The following CLU variants were observed in gnomAD, a reference collection of about 807,000 sequenced individuals.
CLU encodes the protein aging-associated protein 4.
In CLU, 25 loss-of-function variants were observed where a neutral mutation model predicts 46.4. The ratio of observed to expected loss-of-function variants is 0.54; its 90% CI spans 0.39 to 0.75. The LOEUF (loss-of-function observed/expected upper bound fraction) is 0.75, where lower values mean the gene tolerates loss of function less well. CLU is among the 30% of genes least tolerant of loss of function. CLU has a pLI of 0.00. For synonymous variants in CLU, 235 were observed against 235.1 expected, an observed-to-expected ratio of 1.00 and a Z score of 0.00; for missense variants, 504 against 592.1, an observed-to-expected ratio of 0.85 and a Z score of 1.54.
chr8:27,605,583 A>G (rs138508623), intron 4 of CLU, among the ~76,000 whole-genome samples: 1 of 152,370 alleles, frequency 6.6e-6, no homozygotes, highest in East Asian at 1.9e-4. Flanking sequence ...ACAAGGCCCA[A>G]CATTTCAGGT....
At position 27,598,193 on chromosome 8, in the gene CLU, G is replaced by T; in HGVS notation, c.*48C>A. The T allele has an allele frequency of 6.2e-7, 1 of 1,605,260 alleles. No homozygotes were observed. Among genetic ancestry groups the T allele is most frequent in the South Asian group, 1.1e-5 (1 of 90,644 alleles). ...TGGGGGGCTGCAGCTCATCTTGGGG[G>T]GAGCTGGACTCAGATGCCCCCGTAG... On this transcript the variant is annotated 3_prime_UTR_variant, in exon 9 of 9. Coordinates refer to ENST00000316403, the MANE Select transcript of CLU (RefSeq NM_001831.4).
In CLU at chr8:27,600,849, G is replaced by A. The variant is rs529881522; in HGVS notation, c.935-840C>T. On this transcript the variant is annotated intron_variant, in intron 6 of 8. Coordinates refer to ENST00000316403, the MANE Select transcript of CLU (RefSeq NM_001831.4). Reference sequence around the variant, plus strand: ...AAGAATTGGATCTGTTCTGACTTAAGGATTAGGACTTAAGTCCTAATTTTA... The same window carrying A: ...AAGAATTGGATCTGTTCTGACTTAAAGATTAGGACTTAAGTCCTAATTTTA... Among the ~76,000 whole-genome samples, 15 of 152,232 alleles carry A rather than the reference G, an allele frequency of 9.9e-5. No individual in the cohort carries two copies. The East Asian group carries it at 1.5e-3, about 16-fold the overall frequency.
rs757867959 is a variant in CLU, at chr8:27,604,925, T to G, written c.828A>C (p.Arg276=). The G allele has an allele frequency of 3.1e-6, 5 of 1,614,064 alleles. No individual in the cohort carries two copies. The highest frequency in any genetic ancestry group is 1.1e-5 in the South Asian group (1 of 91,066). Reference sequence around the variant, plus strand: ...CCATGAGCTTCCACCCCTTCTCACCTCGTATGAATTCTGTTGGCGGGTGCT... The same window carrying G: ...CCATGAGCTTCCACCCCTTCTCACCGCGTATGAATTCTGTTGGCGGGTGCT... ...AFQHPPTEFI[R]EGDDDRTVCR... Residue 276 remains arginine (R), a splice_region_variant and synonymous_variant, in exon 5 of 9, where the codon CGA becomes CGC. Transcript: ENST00000316403.
Position 27,605,328 on chromosome 8 carries a change from T to C in CLU, c.425A>G (p.Glu142Gly). 6.2e-7 allele frequency: 1 copy of C among 1,614,152 alleles called. No homozygotes were observed. The highest frequency in any genetic ancestry group is 8.5e-7 in the Non-Finnish European group (1 of 1,180,022). Residue 142 changes from glutamate (E) to glycine (G), a missense_variant, in exon 5 of 9, where the codon GAG (glutamate) becomes GGG (glycine). Physicochemically the swap from Glu to Gly is moderately conservative, Grantham distance 98. Coordinates refer to ENST00000316403, the MANE Select transcript of CLU (RefSeq NM_001831.4). ...GAAGGGCGAGCTCTGGTTCAGGAAC[T>C]CCTCAAGCTGGGACAGCCAGCATGG... The part of the protein sequence containing the change: ...GSGLVGRQLE[E>G]FLNQSSPFYF...
At chr8:27,605,553 C>A (rs556994502) in intron 4 of CLU, among the ~76,000 whole-genome samples, 1 of 152,238 alleles carries the variant, frequency 6.6e-6, no homozygotes, top group Non-Finnish European at 1.5e-5. Flanking sequence ...TTTTGAGACA[C>A]CTGGGAGGCC....
intron 1 of CLU, chr8:27,611,523 G>A: frequency 4.4e-6 from 2 of 457,660 alleles, no homozygotes; most frequent in Admixed American, 4.7e-5. Context: ...AGCTGAGGCT[G>A]TTGCATAAAA....
chr8:27,608,915 A>G (rs1273246489), intron 3 of CLU, 23 bp downstream of exon 3: 1 of 1,613,856 alleles, frequency 6.2e-7, no homozygotes, highest in Admixed American at 1.7e-5. Flanking sequence ...CAAGGCAGGG[A>G]GGCGGTAGCG....
Position 27,599,406 on chromosome 8 carries a change from A to G in CLU, c.1164+374T>C. 3.7e-6 allele frequency: 1 copy of G among 271,468 alleles called. No individual in the cohort carries two copies. Among genetic ancestry groups the G allele is most frequent in the Non-Finnish European group, 7.1e-6 (1 of 139,960 alleles). 16.8% of individuals were successfully genotyped at this position (271,468 alleles called of 1,614,324 possible). A position where few individuals can be genotyped will look rare whatever the true frequency, so the allele number is the denominator to read the frequency against. On this transcript the variant is annotated intron_variant, in intron 7 of 8. Transcript: ENST00000316403. This position sits in a 1 kb window ranked among gnomAD's most constrained non-coding sequence, Gnocchi z 4.0. ...TGTACTAATTCATAAGCCATTTTAC[A>G]TGCCAGAGGGCAGCCTTGTAGCTTT...
At chr8:27,613,118 G>C (rs1230326638) in intron 1 of CLU, among the ~76,000 whole-genome samples, 4 of 152,116 alleles carry the variant, frequency 2.6e-5, no homozygotes, top group Non-Finnish European at 5.9e-5. Context: ...AGGGCGCATT[G>C]ATTCACACCT....
At chr8:27,605,416 G>T in intron 4 of CLU, 81 bp from the exon 5 acceptor site, 1 of 1,477,046 alleles carries the variant, frequency 6.8e-7, no homozygotes, top group Non-Finnish European at 9.4e-7. Flanking sequence ...TGGTGAGCCA[G>T]GCCAGGCCCT....
chr8:27,605,423 C>A, intron 4 of CLU, 88 bp from the exon 5 acceptor site: 3 of 1,403,132 alleles, frequency 2.1e-6, no homozygotes, highest in South Asian at 2.4e-5. Flanking sequence ...CCAGGCCAGG[C>A]CCTGCCCATG....
intron 1 of CLU, chr8:27,611,363 T>G (rs1554533089): frequency 1.5e-5 from 7 of 456,794 alleles, no homozygotes; most frequent in South Asian, 1.1e-4. Flanking sequence ...GGATGAGTCC[T>G]CTTGCTCTGC....
intron 5 of CLU, 44 bp downstream of exon 5, chr8:27,604,880 C>CT: frequency 6.2e-7 from 1 of 1,610,148 alleles, no homozygotes; most frequent in Non-Finnish European, 8.5e-7. Context: ...TTCTCAGCAT[C>CT]TAACGAGTTG....
At chr8:27,612,426 C>T (rs767602530) in intron 1 of CLU, among the ~76,000 whole-genome samples, 1 of 152,182 alleles carries the variant, frequency 6.6e-6, no homozygotes, top group Non-Finnish European at 1.5e-5. Context: ...TAAATTCTGA[C>T]TACTTCCAAA....
At chr8:27,614,073 G>C (rs1383497362) in intron 1 of CLU, 2 of 152,164 alleles carry the variant, frequency 1.3e-5, no homozygotes, top group Non-Finnish European at 2.9e-5. Flanking sequence ...GGTGGATCTT[G>C]TGTGACTTTT....
In CLU at chr8:27,606,650, A is replaced by C. The variant is rs1004823054; in HGVS notation, c.247-126T>G. Reference sequence around the variant, plus strand: ...CCCATAGGCTGGCCACCCAGCATGCAAGTGCCTACCCTTGCTCCAGTTCAA... The same window carrying C: ...CCCATAGGCTGGCCACCCAGCATGCCAGTGCCTACCCTTGCTCCAGTTCAA... On this transcript the variant is annotated intron_variant, in intron 3 of 8. Transcript: ENST00000316403. 5 of 1,061,526 alleles carry C rather than the reference A, an allele frequency of 4.7e-6. No individual in the cohort carries two copies. The African/African-American group carries it at 7.8e-5, about 16-fold the overall frequency. 65.8% of individuals were successfully genotyped at this position (1,061,526 alleles called of 1,614,324 possible). A position where few individuals can be genotyped will look rare whatever the true frequency, so the allele number is the denominator to read the frequency against.
In CLU at chr8:27,597,352, G is replaced by T. The variant is rs1406161407; in HGVS notation, c.*889C>A. On this transcript the variant is annotated 3_prime_UTR_variant, in exon 9 of 9. Coordinates refer to ENST00000316403, the MANE Select transcript of CLU (RefSeq NM_001831.4). ...CCTGCTGGCAGCGTAGGGTACTGCA[G>T]CCCAGCTATGGTTCAGACTAAAAGC... The T allele has an allele frequency of 4.4e-6, 2 of 454,398 alleles. No individual in the cohort carries two copies. The highest frequency in any genetic ancestry group is 8.8e-6 in the Non-Finnish European group (2 of 226,798). The allele number at this position is 454,398 out of a possible 1,614,324, so 28.1% of individuals were successfully genotyped here.
chr8:27,598,601 G>A lies in CLU; in HGVS notation c.1199C>T (p.Ser400Phe). 1 of 1,614,184 alleles carries A rather than the reference G, an allele frequency of 6.2e-7. No individual in the cohort carries two copies. The highest frequency in any genetic ancestry group is 1.1e-5 in the South Asian group (1 of 91,090). Residue 400 changes from serine to phenylalanine, a missense_variant, in exon 8 of 9, where the codon TCC becomes TTC. By Grantham distance (155) the Ser-to-Phe change is radical. Coordinates refer to ENST00000316403, the MANE Select transcript of CLU (RefSeq NM_001831.4). ...ASHTSDSDVP[S>F]GVTEVVVKLF... ...CTTCACGACCACCTCAGTGACACCGGAAGGAACGTCCGAGTCAGAAGTGTG... is the reference window on the plus strand; with the variant it reads ...CTTCACGACCACCTCAGTGACACCGAAAGGAACGTCCGAGTCAGAAGTGTG...
rs1378176812 is a variant in CLU, at chr8:27,608,926, GCTC to G, written c.246+9_246+11del. On this transcript the variant is annotated intron_variant, in intron 3 of 8. Transcript: ENST00000316403. ...TGGTCAAGGCAGGGAGGCGGTAGCG[GCTC>G]CTCCTGACCTCTTTCTTCTTCTTGG... The G allele has an allele frequency of 6.2e-7, 1 of 1,614,054 alleles. No homozygotes were observed. Among genetic ancestry groups the G allele is most frequent in the South Asian group, 1.1e-5 (1 of 91,088 alleles).
Sources: gnomAD v4.1 joint callset for allele counts (sites outside exome capture counted in the v4.1 genomes callset) on GRCh38, gnomAD v4.1.1 for gene constraint, Gnocchi (gnomAD v3.1) non-coding constraint, MANE v1.5 for transcripts, NCBI Gene and HGNC (gene_info 2026-07-23, HGNC 2026-07-21) for gene names.